NEGR1: variants seen among roughly 807,000 people sequenced by gnomAD.
The protein encoded by NEGR1 is IgLON family member 4.
A neutral mutation model predicts 40.9 loss-of-function variants in NEGR1; 10 were observed. That is an observed-to-expected ratio of 0.24 (90% CI 0.15 to 0.42). The LOEUF (loss-of-function observed/expected upper bound fraction) is 0.42. NEGR1 is among the 10% of genes least tolerant of loss of function. NEGR1 has a pLI of 1.00. For synonymous variants in NEGR1, 185 were observed against 166.8 expected, an observed-to-expected ratio of 1.11 and a Z score of -0.84; for missense variants, 352 against 438.9, an observed-to-expected ratio of 0.80 and a Z score of 1.77.
chr1:71,921,301 T>A (rs1369862539), intron 2 of NEGR1, among the ~76,000 whole-genome samples: 1 of 152,248 alleles, frequency 6.6e-6, no homozygotes, highest in South Asian at 2.1e-4. Flanking sequence ...CCACTGGAAA[T>A]TTTAAGAAAA....
At chr1:72,107,614 C>T (rs540421920) in intron 1 of NEGR1, among the ~76,000 whole-genome samples, 11 of 151,348 alleles carry the variant, frequency 7.3e-5, no homozygotes, top group African/African-American at 1.4e-4. Flanking sequence ...AACTCTAAAA[C>T]GAATCTTTCT....
intron 6 of NEGR1, among the ~76,000 whole-genome samples, chr1:71,588,306 G>T (rs767798461): frequency 6.6e-6 from 1 of 152,016 alleles, no homozygotes; most frequent in Non-Finnish European, 1.5e-5. Flanking sequence ...TATTTAATAA[G>T]AATTTTGCTA....
intron 6 of NEGR1, among the ~76,000 whole-genome samples, chr1:71,520,726 A>T (rs917518558): frequency 6.6e-6 from 1 of 152,040 alleles, no homozygotes; most frequent in Non-Finnish European, 1.5e-5. Flanking sequence ...TGTCTTGTGT[A>T]AAAGCATGTA....
intron 1 of NEGR1, among the ~76,000 whole-genome samples, chr1:71,985,916 G>T (rs777590346): frequency 6.6e-6 from 1 of 152,138 alleles, no homozygotes; most frequent in East Asian, 1.9e-4. Flanking sequence ...CAACCACCAG[G>T]GTTTCTCATA....
At chr1:71,496,029 T>A (rs377323350) in intron 6 of NEGR1, among the ~76,000 whole-genome samples, 2 of 152,164 alleles carry the variant, frequency 1.3e-5, no homozygotes, top group East Asian at 3.9e-4. Flanking sequence ...TCCCACATCT[T>A]ACAATTTTAT....
chr1:71,505,059 GAT>G (rs1647023045), intron 6 of NEGR1, among the ~76,000 whole-genome samples: 1 of 152,048 alleles, frequency 6.6e-6, no homozygotes, highest in Non-Finnish European at 1.5e-5. Context: ...TGCAAAAAAC[GAT>G]ATTGCATTTC....
intron 1 of NEGR1, among the ~76,000 whole-genome samples, chr1:72,013,458 TA>T (rs1322131631): frequency 1.3e-5 from 2 of 152,042 alleles, no homozygotes; most frequent in Admixed American, 1.3e-4. Context: ...TCAAACATAT[TA>T]GGGGGTAAAA....
chr1:71,998,527 C>T (rs942855498), intron 1 of NEGR1, among the ~76,000 whole-genome samples: 7 of 151,630 alleles, frequency 4.6e-5, no homozygotes, highest in African/African-American at 1.7e-4. Context: ...TAAAAGATAC[C>T]TCATGCACCT....
chr1:71,507,574 G>T (rs1444001284), intron 6 of NEGR1, among the ~76,000 whole-genome samples: 1 of 152,106 alleles, frequency 6.6e-6, no homozygotes, highest in African/African-American at 2.4e-5. Flanking sequence ...CCCAAACTAA[G>T]ACTATTTCAA....
At chr1:71,799,234 C>T (rs930170833) in intron 2 of NEGR1, among the ~76,000 whole-genome samples, 2 of 152,038 alleles carry the variant, frequency 1.3e-5, no homozygotes, top group African/African-American at 4.8e-5. Context: ...GTGATATTCA[C>T]CTCCCTGTGT....
chr1:71,878,412 G>T (rs1408899028), intron 2 of NEGR1, among the ~76,000 whole-genome samples: 1 of 152,052 alleles, frequency 6.6e-6, no homozygotes, highest in Non-Finnish European at 1.5e-5. Context: ...GTCTGGTGTG[G>T]ACTCCAATAT....
At chr1:72,073,924 T>C (rs1647592243) in intron 1 of NEGR1, among the ~76,000 whole-genome samples, 1 of 151,970 alleles carries the variant, frequency 6.6e-6, no homozygotes, top group Non-Finnish European at 1.5e-5. Flanking sequence ...GAATGACAAA[T>C]GATACTGGAT....
At chr1:71,696,119 C>G (rs769600198) in intron 4 of NEGR1, among the ~76,000 whole-genome samples, 1 of 151,676 alleles carries the variant, frequency 6.6e-6, no homozygotes, top group Non-Finnish European at 1.5e-5. Context: ...TTCAGCGTTC[C>G]TGGTATCTTT....
At chr1:71,814,522 C>G (rs1301717980) in intron 2 of NEGR1, among the ~76,000 whole-genome samples, 1 of 152,086 alleles carries the variant, frequency 6.6e-6, no homozygotes. Flanking sequence ...TAGAATTCAG[C>G]TGTAAATCTC....
intron 6 of NEGR1, among the ~76,000 whole-genome samples, chr1:71,449,913 AT>A (rs1356659653): frequency 6.6e-6 from 1 of 151,908 alleles, no homozygotes; most frequent in Non-Finnish European, 1.5e-5. Flanking sequence ...TAAGCCAGGA[AT>A]TTTTTAATGA....
At chr1:72,264,374 A>G (rs1655567990) in intron 1 of NEGR1, among the ~76,000 whole-genome samples, 1 of 151,160 alleles carries the variant, frequency 6.6e-6, no homozygotes, top group South Asian at 2.1e-4. Flanking sequence ...TAAGATACAA[A>G]TATTATTTCA....
intron 1 of NEGR1, among the ~76,000 whole-genome samples, chr1:72,261,328 T>C (rs1655447226): frequency 6.6e-6 from 1 of 152,102 alleles, no homozygotes; most frequent in African/African-American, 2.4e-5. Flanking sequence ...TTCAATTCTG[T>C]CACATTTTAA....
intron 1 of NEGR1, among the ~76,000 whole-genome samples, chr1:71,945,028 T>A (rs1252712097): frequency 6.6e-6 from 1 of 152,192 alleles, no homozygotes; most frequent in Non-Finnish European, 1.5e-5. Context: ...AAACTTTATA[T>A]TTTTGAAAGA....
chr1:71,879,973 G>C (rs1286278852), intron 2 of NEGR1, among the ~76,000 whole-genome samples: 3 of 151,986 alleles, frequency 2.0e-5, no homozygotes, highest in African/African-American at 4.8e-5. Flanking sequence ...TCTATAGTAA[G>C]ACATATCTTT....
Sources: allele counts gnomAD v4.1 joint callset (sites outside exome capture counted in the v4.1 genomes callset), GRCh38; gene constraint gnomAD v4.1.1; transcripts MANE v1.5; gene names NCBI Gene and HGNC (gene_info 2026-07-23, HGNC 2026-07-21).